Variants in USH2A observed in about 807,000 individuals in gnomAD.
The protein encoded by USH2A is Usher syndrome 2A (autosomal recessive, mild).
Under a neutral mutation model 538.9 loss-of-function variants are expected in USH2A, and 443 were observed. That is an observed-to-expected ratio of 0.82 (90% CI 0.76 to 0.89). The LOEUF (loss-of-function observed/expected upper bound fraction) is 0.89, where lower values mean the gene tolerates loss of function less well. Ranked by LOEUF, USH2A falls within the 40% of genes least tolerant of loss-of-function variation. The pLI is 0.00. For missense variants in USH2A, 6,633 were observed against 6,324.8 expected, an observed-to-expected ratio of 1.05 and a Z score of -1.65; for synonymous variants, 2,413 against 2,273.5, an observed-to-expected ratio of 1.06 and a Z score of -1.75.
chr1:215,856,845 GT>G (rs1664184688), intron 44 of USH2A, among the ~76,000 whole-genome samples: 7 of 122,138 alleles, frequency 5.7e-5, no homozygotes, highest in Admixed American at 1.5e-4. Context: ...GTGTGTGTGT[GT>G]GTGTGTGTGT....
intron 40 of USH2A, among the ~76,000 whole-genome samples, chr1:215,895,184 G>C (rs1004730691): frequency 6.6e-6 from 1 of 152,160 alleles, no homozygotes; most frequent in Admixed American, 6.5e-5. Context: ...GTAAATGTTT[G>C]CTTGATTGAG....
At chr1:216,113,366 C>T (rs2032922605) in intron 21 of USH2A, among the ~76,000 whole-genome samples, 1 of 152,024 alleles carries the variant, frequency 6.6e-6, no homozygotes, top group South Asian at 2.1e-4. Context: ...GAGTTCACTG[C>T]AAGAAATTTC....
intron 61 of USH2A, among the ~76,000 whole-genome samples, chr1:215,701,425 G>C (rs1000339192): frequency 6.6e-6 from 1 of 152,158 alleles, no homozygotes; most frequent in African/African-American, 2.4e-5. Flanking sequence ...GGGTGTTAAA[G>C]TCTCTCACTA....
chr1:216,127,436 T>G (rs986991830), intron 21 of USH2A, among the ~76,000 whole-genome samples: 2 of 152,196 alleles, frequency 1.3e-5, no homozygotes, highest in African/African-American at 4.8e-5. Context: ...TATATATGTA[T>G]CCATCGAGAT....
chr1:216,365,156 G>C (rs777084901), intron 3 of USH2A, 71 bp from the exon 4 acceptor site: 44 of 1,525,626 alleles, frequency 2.9e-5, no homozygotes, highest in Non-Finnish European at 3.7e-5. Flanking sequence ...CATTTCAGCA[G>C]TTTTTATTAA....
chr1:216,327,733 C>A (rs932992293), intron 4 of USH2A, 79 bp from the exon 5 acceptor site: 8 of 1,539,206 alleles, frequency 5.2e-6, no homozygotes, highest in Non-Finnish European at 7.2e-6. Flanking sequence ...AGTGATATTC[C>A]TTTGAAGATG....
chr1:215,635,844 G>A (rs565877964), intron 69 of USH2A, among the ~76,000 whole-genome samples: 8 of 152,202 alleles, frequency 5.3e-5, no homozygotes, highest in East Asian at 1.9e-4. Context: ...ATGAGCCGCC[G>A]CACCCAGCCA....
chr1:215,726,612 T>C (rs775831196), intron 61 of USH2A, among the ~76,000 whole-genome samples: 33 of 152,342 alleles, frequency 2.2e-4, no homozygotes, highest in South Asian at 1.0e-3. Flanking sequence ...ATTTAAAGCA[T>C]AGAAACATAG....
chr1:215,846,102 A>G, intron 44 of USH2A, 69 bp from the exon 45 acceptor site: 2 of 1,456,960 alleles, frequency 1.4e-6, no homozygotes, highest in Non-Finnish European at 1.9e-6. Flanking sequence ...AAATTCTATC[A>G]TTAGCTTTCT....
intron 21 of USH2A, among the ~76,000 whole-genome samples, chr1:216,148,254 A>C (rs1449348487): frequency 6.6e-6 from 1 of 150,428 alleles, no homozygotes; most frequent in Non-Finnish European, 1.5e-5. Flanking sequence ...CTTAGACAAT[A>C]CTCTTTTAAG....
chr1:216,083,382 C>A, intron 26 of USH2A, 74 bp downstream of exon 26: 2 of 1,516,166 alleles, frequency 1.3e-6, no homozygotes, highest in South Asian at 2.4e-5. Context: ...AAGTGTAATG[C>A]CAACACATGG....
chr1:215,861,911 C>A (rs1023265764), intron 44 of USH2A, among the ~76,000 whole-genome samples: 4 of 142,512 alleles, frequency 2.8e-5, no homozygotes, highest in Non-Finnish European at 4.5e-5. Flanking sequence ...ACGATCTCGG[C>A]TCACTGCAAC....
intron 43 of USH2A, among the ~76,000 whole-genome samples, chr1:215,873,404 CATT>C (rs1188787968): frequency 6.6e-6 from 1 of 152,100 alleles, no homozygotes; most frequent in Non-Finnish European, 1.5e-5. Context: ...TACAATCTGA[CATT>C]ATTTATATTA....
intron 49 of USH2A, among the ~76,000 whole-genome samples, chr1:215,808,241 T>A (rs1413699402): frequency 2.6e-5 from 4 of 152,148 alleles, no homozygotes; most frequent in Non-Finnish European, 5.9e-5. Flanking sequence ...ATATTTGCTA[T>A]CTTACTGTTC....
At chr1:216,344,583 C>T (rs996731994) in intron 4 of USH2A, among the ~76,000 whole-genome samples, 1 of 151,932 alleles carries the variant, frequency 6.6e-6, no homozygotes, top group African/African-American at 2.4e-5. Context: ...GAAGGGACAA[C>T]ACGGAGGAGA....
chr1:216,262,401 G>T (rs2036391666), intron 11 of USH2A, among the ~76,000 whole-genome samples: 1 of 151,900 alleles, frequency 6.6e-6, no homozygotes, highest in African/African-American at 2.4e-5. Flanking sequence ...AGAAATATTG[G>T]AGCTGAGCAA....
chr1:216,207,470 T>G, intron 15 of USH2A, 39 bp from the exon 16 acceptor site: 1 of 1,613,284 alleles, frequency 6.2e-7, no homozygotes, highest in Non-Finnish European at 8.5e-7. Flanking sequence ...AGCAAAGCAA[T>G]CAATAAACAG....
intron 55 of USH2A, among the ~76,000 whole-genome samples, chr1:215,772,337 T>G (rs1661315316): frequency 6.6e-6 from 1 of 152,120 alleles, no homozygotes; most frequent in Admixed American, 6.5e-5. Context: ...CAGCATTGAA[T>G]TAGAAGAGTA....
chr1:216,228,372 G>A (rs866258092), intron 14 of USH2A, among the ~76,000 whole-genome samples: 30 of 152,208 alleles, frequency 2.0e-4, no homozygotes, highest in African/African-American at 5.5e-4. Flanking sequence ...GAACTGGAAA[G>A]ATAAGAACAA....
Sources: gnomAD v4.1 joint callset for allele counts (sites outside exome capture counted in the v4.1 genomes callset) on GRCh38, gnomAD v4.1.1 for gene constraint, MANE v1.5 for transcripts, NCBI Gene and HGNC (gene_info 2026-07-23, HGNC 2026-07-21) for gene names.